GKAP1: variants seen among roughly 807,000 people sequenced by gnomAD.
GKAP1 encodes the protein G kinase-anchoring protein 1.
In GKAP1, 31 loss-of-function variants were observed where a neutral mutation model predicts 56.7. That is an observed-to-expected ratio of 0.55 (90% CI 0.41 to 0.74). GKAP1 has a LOEUF of 0.74. GKAP1 is among the 30% of genes least tolerant of loss of function. The pLI, the probability that GKAP1 is intolerant of heterozygous loss-of-function variation, is 0.00. For synonymous variants in GKAP1, 151 were observed against 138.6 expected (o/e 1.09, Z -0.63); for missense variants, 364 against 402.3 (o/e 0.90, Z 0.82).
intron 5 of GKAP1, among the ~76,000 whole-genome samples, chr9:83,788,061 A>T (rs1412434862): frequency 1.3e-5 from 2 of 152,138 alleles, no homozygotes; most frequent in Non-Finnish European, 2.9e-5. Context: ...GTGGATCAGC[A>T]GAGCTCAGGA....
intron 4 of GKAP1, 106 bp from the exon 5 acceptor site, chr9:83,788,784 A>G (rs1944107676): frequency 3.3e-6 from 2 of 613,948 alleles, no homozygotes; most frequent in Admixed American, 5.7e-5. Context: ...AAATATGTTA[A>G]AAAACAATAT....
At chr9:83,781,623 C>G (rs1943973384) in intron 6 of GKAP1, among the ~76,000 whole-genome samples, 1 of 152,182 alleles carries the variant, frequency 6.6e-6, no homozygotes, top group African/African-American at 2.4e-5. Context: ...TAGACAGTCA[C>G]TCTTCTAGCA....
At chr9:83,764,643 G>T (rs1163323894) in intron 8 of GKAP1, among the ~76,000 whole-genome samples, 1 of 152,108 alleles carries the variant, frequency 6.6e-6, no homozygotes, top group Non-Finnish European at 1.5e-5. Context: ...GGAAAATCTG[G>T]AACTTCCTAG....
intron 6 of GKAP1, among the ~76,000 whole-genome samples, chr9:83,783,187 C>G (rs1009085887): frequency 1.3e-5 from 2 of 152,114 alleles, no homozygotes; most frequent in African/African-American, 4.8e-5. Flanking sequence ...TTTATCCTCA[C>G]AGAACAATGC....
In GKAP1 at chr9:83,805,083, A is replaced by T. The variant is rs566028761; in HGVS notation, c.216+1219T>A. On this transcript the variant is annotated intron_variant, in intron 3 of 12. Coordinates refer to ENST00000376371, the MANE Select transcript of GKAP1 (RefSeq NM_025211.4). ...CGGATGGTTGCCGTGTCTGTGTAGA[A>T]AGAAGTAGACATGGGAGACTTTTCA... is the stretch of plus-strand genomic sequence containing the variant. Among the ~76,000 whole-genome samples the T allele has an allele frequency of 1.9e-3, 286 of 152,274 alleles. 1 individual carries two copies. The highest frequency in any genetic ancestry group is 6.6e-3 in the African/African-American group (273 of 41,554).
At chr9:83,750,918 C>T (rs1943378879) in intron 9 of GKAP1, among the ~76,000 whole-genome samples, 1 of 152,192 alleles carries the variant, frequency 6.6e-6, no homozygotes, top group Non-Finnish European at 1.5e-5. Context: ...TCACTGCAAC[C>T]TCCACCTTCC....
At chr9:83,804,524 G>C (rs553980803) in intron 3 of GKAP1, among the ~76,000 whole-genome samples, 1,007 of 65,604 alleles carry the variant, frequency 0.015, 42 homozygotes, top group African/African-American at 0.07. Flanking sequence ...GGAGGGAGGT[G>C]GGGGGGTCAG....
intron 12 of GKAP1, among the ~76,000 whole-genome samples, chr9:83,740,465 A>C (rs955156107): frequency 1.1e-4 from 17 of 152,170 alleles, no homozygotes; most frequent in Non-Finnish European, 2.5e-4. Flanking sequence ...AATAAAATTA[A>C]AATCATCAAT....
intron 2 of GKAP1, among the ~76,000 whole-genome samples, chr9:83,816,514 G>A (rs1217803512): frequency 6.6e-6 from 1 of 152,214 alleles, no homozygotes; most frequent in African/African-American, 2.4e-5. Context: ...CTACTATAGT[G>A]TTATAAATCT....
At chr9:83,803,067 C>CTACT (rs1944358317) in intron 3 of GKAP1, among the ~76,000 whole-genome samples, 1 of 152,108 alleles carries the variant, frequency 6.6e-6, no homozygotes, top group African/African-American at 2.4e-5. Context: ...CGAGATCATA[C>CTACT]TACTGCATTC....
intron 7 of GKAP1, among the ~76,000 whole-genome samples, chr9:83,774,585 C>A (rs1400626030): frequency 1.3e-5 from 2 of 150,326 alleles, no homozygotes; most frequent in Non-Finnish European, 3.0e-5. Context: ...CAGAGCAAGA[C>A]CCTGTCTCAA....
chr9:83,809,195 A>C (rs1944476453), intron 2 of GKAP1, among the ~76,000 whole-genome samples: 1 of 152,242 alleles, frequency 6.6e-6, no homozygotes, highest in African/African-American at 2.4e-5. Flanking sequence ...ATTCTGAAAC[A>C]TCTCTCCAAG....
At chr9:83,793,305 A>G (rs544694313) in intron 4 of GKAP1, among the ~76,000 whole-genome samples, 9 of 152,322 alleles carry the variant, frequency 5.9e-5, no homozygotes, top group Middle Eastern at 3.4e-3. Flanking sequence ...CTTGCAGCCA[A>G]CTGATTGGAC....
chr9:83,789,679 A>C (rs531811662), intron 4 of GKAP1, among the ~76,000 whole-genome samples: 42 of 152,302 alleles, frequency 2.8e-4, no homozygotes, highest in Middle Eastern at 6.8e-3. Flanking sequence ...CAAACACCCA[A>C]GCTATCATCA....
chr9:83,777,291 T>C (rs554916057), intron 7 of GKAP1, among the ~76,000 whole-genome samples: 3 of 152,126 alleles, frequency 2.0e-5, no homozygotes, highest in Admixed American at 6.5e-5. Flanking sequence ...AGGACTGGAG[T>C]TTGGAAGGCC....
chr9:83,769,018 T>C (rs771317948), intron 7 of GKAP1, 48 bp from the exon 8 acceptor site: 10 of 1,455,596 alleles, frequency 6.9e-6, no homozygotes, highest in East Asian at 2.3e-5. Flanking sequence ...TGCACTGATA[T>C]GCATTTAATA....
Position 83,739,748 on chromosome 9 carries a change from T to TAAAAA in GKAP1, c.1054-9_1054-5dup. ...TTCTTTTCCCTTTTCTGCCACCCTG[T>TAAAAA]AAAAAAAAAAAAAAATAGGGAAAAT... On this transcript the variant is annotated splice_polypyrimidine_tract_variant and splice_region_variant and intron_variant, in intron 12 of 12. Transcript: ENST00000376371. 2.0e-6 allele frequency: 3 copies of TAAAAA among 1,467,600 alleles called. No homozygotes were observed. Among genetic ancestry groups the TAAAAA allele is most frequent in the Admixed American group, 1.9e-5 (1 of 52,138 alleles). 90.9% of individuals were successfully genotyped at this position (1,467,600 alleles called of 1,614,324 possible).
intron 12 of GKAP1, among the ~76,000 whole-genome samples, chr9:83,740,758 TA>T (rs1017841298): frequency 6.6e-6 from 1 of 152,170 alleles, no homozygotes; most frequent in Non-Finnish European, 1.5e-5. Context: ...GTGCATCTCT[TA>T]AAGAGAGGTG....
chr9:83,809,302 C>A (rs1312705317), intron 2 of GKAP1, among the ~76,000 whole-genome samples: 2 of 152,142 alleles, frequency 1.3e-5, no homozygotes, highest in Non-Finnish European at 2.9e-5. Context: ...AGCCAGGAAA[C>A]CCCTGAAAAA....
Sources: allele counts gnomAD v4.1 joint callset (sites outside exome capture counted in the v4.1 genomes callset), GRCh38; gene constraint gnomAD v4.1.1; transcripts MANE v1.5; gene names NCBI Gene and HGNC (gene_info 2026-07-23, HGNC 2026-07-21).